The following TOPBP1 variants were observed in gnomAD, a reference collection of about 807,000 sequenced individuals.
TOPBP1 encodes DNA topoisomerase 2-binding protein 1.
A neutral mutation model predicts 167.7 loss-of-function variants in TOPBP1; 28 were observed. The observed-to-expected ratio is 0.17, with a 90% confidence interval of 0.12 to 0.23. The LOEUF (loss-of-function observed/expected upper bound fraction) is 0.23. Among genes scored for constraint, TOPBP1 ranks in the 10% least tolerant of loss-of-function variants. The probability of loss-of-function intolerance (pLI) is 1.00; values close to 1 mark genes in which losing one functional copy is unlikely to be tolerated. For missense variants in TOPBP1, 1,554 were observed against 1,809.6 expected, an observed-to-expected ratio of 0.86 and a Z score of 2.56; for synonymous variants, 598 against 611.4, an observed-to-expected ratio of 0.98 and a Z score of 0.32.
chr3:133,629,656 T>C (rs904140589), intron 14 of TOPBP1, among the ~76,000 whole-genome samples: 1 of 152,230 alleles, frequency 6.6e-6, no homozygotes, highest in African/African-American at 2.4e-5. Flanking sequence ...CCAAACGTGC[T>C]TGATATCACA....
chr3:133,657,404 C>T (rs1235620185), intron 4 of TOPBP1, among the ~76,000 whole-genome samples: 4 of 140,466 alleles, frequency 2.8e-5, no homozygotes, highest in South Asian at 4.5e-4. Context: ...TTTTCCAAAA[C>T]GAAATCTTGC....
At chr3:133,611,256 T>A in intron 24 of TOPBP1, 115 bp from the exon 25 acceptor site, 1 of 897,906 alleles carries the variant, frequency 1.1e-6, no homozygotes, top group Non-Finnish European at 1.6e-6. Flanking sequence ...TACATTTAAT[T>A]GTTACAAATA....
intron 27 of TOPBP1, among the ~76,000 whole-genome samples, chr3:133,605,867 T>C (rs981490663): frequency 2.0e-5 from 3 of 152,198 alleles, no homozygotes; most frequent in Non-Finnish European, 4.4e-5. Flanking sequence ...AGGTACTAAT[T>C]GTACTAAGTG....
chr3:133,658,367 T>C (rs1002949288), intron 3 of TOPBP1, among the ~76,000 whole-genome samples: 1 of 151,472 alleles, frequency 6.6e-6, no homozygotes, highest in Non-Finnish European at 1.5e-5. Context: ...CTAGGGAGGC[T>C]GAGGCAAGAG....
Position 133,608,928 on chromosome 3 carries a change from A to G in TOPBP1, c.4208T>C (p.Val1403Ala). ...GAAGCCTGCTTCTCGAGACTGATCC[A>G]CATGTAAAATAACCTTCCACCCACT... ...AFSGWKVILH[V>A]DQSREAGFKR... is the part of the protein sequence containing the mutation. Residue 1403 changes from valine (V) to alanine (A), a missense_variant, in exon 26 of 28, where the codon GTG (valine) becomes GCG (alanine). This residue lies in a region of TOPBP1 where 351 missense variants were observed against 432.9 expected (regional missense o/e 0.81). Coordinates refer to ENST00000260810, the MANE Select transcript of TOPBP1 (RefSeq NM_007027.4). The G allele has an allele frequency of 6.2e-7, 1 of 1,613,474 alleles. No individual in the cohort carries two copies. Among genetic ancestry groups the G allele is most frequent in the East Asian group, 2.2e-5 (1 of 44,870 alleles).
chr3:133,613,176 A>G (rs1242521170), intron 23 of TOPBP1, among the ~76,000 whole-genome samples: 1 of 152,150 alleles, frequency 6.6e-6, no homozygotes, highest in Non-Finnish European at 1.5e-5. Context: ...TAACTATTTT[A>G]AAGCAAATTC....
chr3:133,618,751 A>C (rs1331702574), intron 20 of TOPBP1, among the ~76,000 whole-genome samples: 3 of 152,244 alleles, frequency 2.0e-5, no homozygotes, highest in Non-Finnish European at 4.4e-5. Flanking sequence ...TGGTACATTT[A>C]AAAATGTGAT....
rs1936231224 is a variant in TOPBP1, at chr3:133,650,044, T to C, written c.1090-101A>G. On this transcript the variant is annotated intron_variant, in intron 8 of 27. Coordinates refer to ENST00000260810, the MANE Select transcript of TOPBP1 (RefSeq NM_007027.4). ...TCCACTGTGTATAAATAAGACAACT[T>C]GTGTACATTTAAGATATATGAATAA... 3 of 998,952 alleles carry C rather than the reference T, an allele frequency of 3.0e-6. No homozygotes were observed. In the African/African-American group the frequency reaches 5.0e-5, roughly 17 times the overall value. 61.9% of individuals were successfully genotyped at this position (998,952 alleles called of 1,614,324 possible). A position where few individuals can be genotyped will look rare whatever the true frequency, so the allele number is the denominator to read the frequency against.
chr3:133,628,148 C>T, intron 16 of TOPBP1: 1 of 515,532 alleles, frequency 1.9e-6, no homozygotes, highest in South Asian at 2.5e-5. Context: ...TTGTGCATAC[C>T]CTAAAAAATA....
chr3:133,639,866 A>G, intron 13 of TOPBP1, 93 bp downstream of exon 13: 8 of 1,313,192 alleles, frequency 6.1e-6, no homozygotes, highest in Non-Finnish European at 8.3e-6. Flanking sequence ...GCAAAAATCA[A>G]TGACCCTTCC....
At chr3:133,656,593 A>G (rs1576316671) in intron 5 of TOPBP1, 83 bp downstream of exon 5, 1 of 1,304,658 alleles carries the variant, frequency 7.7e-7, no homozygotes, top group East Asian at 2.5e-5. Context: ...CTGAATAGTA[A>G]GTCCAAAGAG....
chr3:133,623,615 T>C (rs1935171799), intron 17 of TOPBP1, among the ~76,000 whole-genome samples, 158 bp from the exon 18 acceptor site: 1 of 152,214 alleles, frequency 6.6e-6, no homozygotes, highest in African/African-American at 2.4e-5. Context: ...ATTTGCATCA[T>C]ACAAATGACA....
intron 27 of TOPBP1, among the ~76,000 whole-genome samples, chr3:133,606,182 T>TCC: frequency 6.6e-6 from 1 of 152,288 alleles, no homozygotes; most frequent in South Asian, 2.1e-4. Flanking sequence ...AGTGAGACCT[T>TCC]GCCTCAAAAT....
In TOPBP1 at chr3:133,649,424, T is replaced by A; in HGVS notation, c.1463A>T (p.Glu488Val). The change falls in exon 10 of 28, where the codon GAA becomes GTA. Residue 488 changes from glutamate (E) to valine (V), a missense_variant. By Grantham distance (121) the Glu-to-Val change is moderately radical. Coordinates refer to ENST00000260810, the MANE Select transcript of TOPBP1 (RefSeq NM_007027.4). Reference sequence around the variant, plus strand: ...ATTTTCATATTGAGAGAGCAGATCTTCATCAGCTTGCTCATGCTTTTCACT... The same window carrying A: ...ATTTTCATATTGAGAGAGCAGATCTACATCAGCTTGCTCATGCTTTTCACT... The part of the protein sequence containing the change: ...APSEKHEQAD[E>V]DLLSQYENGS... 1 of 1,613,840 alleles carries A rather than the reference T, an allele frequency of 6.2e-7. No individual in the cohort carries two copies. Among genetic ancestry groups the A allele is most frequent in the African/African-American group, 1.3e-5 (1 of 75,066 alleles).
chr3:133,620,194 G>A lies in TOPBP1; in HGVS notation c.3332C>T (p.Ser1111Phe). ...GACTCTACTTCGTCCACTGCGAGCAGAGCGAGTGCTGTCAGGGGTTGAAGA... is the reference window on the plus strand; with the variant it reads ...GACTCTACTTCGTCCACTGCGAGCAAAGCGAGTGCTGTCAGGGGTTGAAGA... ...SASSTPDSTR[S>F]ARSGRSRVLE... is the part of the protein sequence containing the mutation. Residue 1111 changes from serine to phenylalanine, a missense_variant, in exon 20 of 28, where the codon TCT (serine) becomes TTT (phenylalanine). Physicochemically the swap from Ser to Phe is radical, Grantham distance 155. Coordinates refer to ENST00000260810, the MANE Select transcript of TOPBP1 (RefSeq NM_007027.4). 1.2e-6 allele frequency: 2 copies of A among 1,613,904 alleles called. No individual in the cohort carries two copies. Among genetic ancestry groups the A allele is most frequent in the Non-Finnish European group, 1.7e-6 (2 of 1,179,844 alleles).
intron 19 of TOPBP1, among the ~76,000 whole-genome samples, chr3:133,621,014 T>G (rs889169059): frequency 4.6e-5 from 7 of 152,082 alleles, no homozygotes; most frequent in African/African-American, 1.2e-4. Flanking sequence ...TTCCCAAAGA[T>G]TCTTTTAATT....
In TOPBP1 at chr3:133,601,034, T is replaced by C. The variant is rs116645643; in HGVS notation, c.*216A>G. The stretch of plus-strand genomic sequence containing the variant: ...AGCAAGCTAGCTGAGGAGTTGTATT[T>C]TGTTGTTATTTCAGGTAACTTTTTA... On this transcript the variant is annotated 3_prime_UTR_variant, in exon 28 of 28. Coordinates refer to ENST00000260810, the MANE Select transcript of TOPBP1 (RefSeq NM_007027.4). The C allele has an allele frequency of 4.3e-3, 1,530 of 359,934 alleles. 9 individuals carry two copies. The highest frequency in any genetic ancestry group is 6.7e-3 in the Non-Finnish European group (1,327 of 198,632). The allele number at this position is 359,934 out of a possible 1,614,324, so 22.3% of individuals were successfully genotyped here.
chr3:133,649,277 T>A, intron 10 of TOPBP1, 106 bp downstream of exon 10: 1 of 1,399,398 alleles, frequency 7.1e-7, no homozygotes, highest in Non-Finnish European at 9.4e-7. Flanking sequence ...AAGAAAAAGG[T>A]TAATTTAACT....
chr3:133,637,891 A>T lies in TOPBP1; in HGVS notation c.2505T>A (p.Pro835=). 6.2e-7 allele frequency: 1 copy of T among 1,613,742 alleles called. No homozygotes were observed. The highest frequency in any genetic ancestry group is 8.5e-7 in the Non-Finnish European group (1 of 1,179,700). The change falls in exon 14 of 28, where the codon CCT becomes CCA. Residue 835 remains proline, a synonymous_variant. Coordinates refer to ENST00000260810, the MANE Select transcript of TOPBP1 (RefSeq NM_007027.4). The stretch of plus-strand genomic sequence containing the variant: ...TAAACCTTACCTTCACATCAAAGGA[A>T]GGCTTGAAGAGTTTGTCCTTGGACA... ...KFLSKDKLFK[P]SFDVKDALAA...
Sources: gnomAD v4.1 joint callset for allele counts (sites outside exome capture counted in the v4.1 genomes callset) on GRCh38, gnomAD v4.1.1 for gene constraint, gnomAD v4.1.1 regional missense constraint, MANE v1.5 for transcripts, NCBI Gene and HGNC (gene_info 2026-07-23, HGNC 2026-07-21) for gene names.